MGAT1: variants seen among roughly 807,000 people sequenced by gnomAD.
The protein encoded by MGAT1 is N-glycosyl-oligosaccharide-glycoprotein N-acetylglucosaminyltransferase I.
Under a neutral mutation model 31.7 loss-of-function variants are expected in MGAT1, and 14 were observed. That is an observed-to-expected ratio of 0.44 (90% CI 0.29 to 0.69). MGAT1 has a LOEUF of 0.69. MGAT1 is among the 30% of genes least tolerant of loss of function. The pLI is 0.12. For synonymous variants in MGAT1, 338 were observed against 276.0 expected, an observed-to-expected ratio of 1.22 and a Z score of -2.23; for missense variants, 557 against 626.0, an observed-to-expected ratio of 0.89 and a Z score of 1.18.
intron 1 of MGAT1, chr5:180,810,090 C>G (rs1772385458): frequency 6.8e-6 from 1 of 147,622 alleles, no homozygotes; most frequent in African/African-American, 2.5e-5. Context: ...CGCCGCGGGT[C>G]GCAATCCAGG....
At chr5:180,798,665 C>G (rs1770030451) in intron 1 of MGAT1, among the ~76,000 whole-genome samples, 1 of 152,226 alleles carries the variant, frequency 6.6e-6, no homozygotes, top group Non-Finnish European at 1.5e-5. Context: ...ACTCAATTGG[C>G]AGTAAAACCT....
rs1429697192 is a variant in MGAT1 at position 180,787,952 on chromosome 5, A to G, written c.*3682T>C. The G allele has an allele frequency of 6.5e-6, 1 of 152,888 alleles. No homozygotes were observed. The highest frequency in any genetic ancestry group is 1.5e-5 in the Non-Finnish European group (1 of 68,514). The allele number at this position is 152,888 out of a possible 1,614,324, so 9.5% of individuals were successfully genotyped here. On this transcript the variant is annotated 3_prime_UTR_variant, in exon 2 of 2. Transcript: ENST00000307826. Reference sequence around the variant, plus strand: ...CTGCCCGGAAGGCAGTCTGTCCTGGAGACAGAGTGAGCAGGAACCCACAGT... The same window carrying G: ...CTGCCCGGAAGGCAGTCTGTCCTGGGGACAGAGTGAGCAGGAACCCACAGT...
At position 180,790,224 on chromosome 5, in the gene MGAT1, C is replaced by T. The variant is rs570616432; in HGVS notation, c.*1410G>A. 3.3e-5 allele frequency: 5 copies of T among 152,378 alleles called. No homozygotes were observed. The highest frequency in any genetic ancestry group is 9.6e-5 in the African/African-American group (4 of 41,580). The allele number at this position is 152,378 out of a possible 1,614,324, so 9.4% of individuals were successfully genotyped here. On this transcript the variant is annotated 3_prime_UTR_variant, in exon 2 of 2. Transcript: ENST00000307826. The stretch of plus-strand genomic sequence containing the variant: ...ACCCTGATCAGAGGACCTGGTTCTT[C>T]CCCAGACCAGGCCTGCCCAGCCAGC...
At position 180,793,030 on chromosome 5, in the gene MGAT1, C is replaced by G. The variant is rs1340623770; in HGVS notation, c.-59G>C. The G allele has an allele frequency of 1.0e-5, 16 of 1,596,420 alleles. No homozygotes were observed. Among genetic ancestry groups the G allele is most frequent in the Non-Finnish European group, 1.2e-5 (14 of 1,172,434 alleles). On this transcript the variant is annotated 5_prime_UTR_variant, in exon 2 of 2. Coordinates refer to ENST00000307826, the MANE Select transcript of MGAT1 (RefSeq NM_002406.4). ...CGGTTCAAGGCTGCCCTGGGCTTGC[C>G]CGGCTCCCTTGCCCGCAGTCCTAGG...
At chr5:180,811,346 A>C (rs1013160732) in intron 1 of MGAT1, 2 of 152,130 alleles carry the variant, frequency 1.3e-5, no homozygotes, top group Non-Finnish European at 2.9e-5. Flanking sequence ...TAATTTTTGG[A>C]ATTTCCTTAA....
At chr5:180,811,137 T>C (rs1225669758) in intron 1 of MGAT1, 1 of 152,256 alleles carries the variant, frequency 6.6e-6, no homozygotes, top group Non-Finnish European at 1.5e-5. Flanking sequence ...TGTTCGAGAA[T>C]CTTGCCGGAC....
In MGAT1 at chr5:180,791,481, G is replaced by C; in HGVS notation, c.*153C>G. 1 of 877,372 alleles carries C rather than the reference G, an allele frequency of 1.1e-6. No homozygotes were observed. The highest frequency in any genetic ancestry group is 1.8e-6 in the Non-Finnish European group (1 of 568,390). The allele number at this position is 877,372 out of a possible 1,614,324, so 54.3% of individuals were successfully genotyped here. A position where few individuals can be genotyped will look rare whatever the true frequency, so the allele number is the denominator to read the frequency against. ...TTGAGAACGGGAGAATAATCCTCTT[G>C]TTATCATTTGTGCACTTAAATGCCA... On this transcript the variant is annotated 3_prime_UTR_variant, in exon 2 of 2. Coordinates refer to ENST00000307826, the MANE Select transcript of MGAT1 (RefSeq NM_002406.4).
Position 180,792,104 on chromosome 5 carries a change from C to T in MGAT1, c.868G>A (p.Asp290Asn). ...EPKWPKAFWD[D>N]WMRRPEQRQG... ...CGCTGCTCCGGCCGCCGCATCCAGTCGTCCCAGAAGGCCTTTGGCCACTTG... is the reference window on the plus strand; with the variant it reads ...CGCTGCTCCGGCCGCCGCATCCAGTTGTCCCAGAAGGCCTTTGGCCACTTG... Residue 290 changes from aspartate (D) to asparagine (N), a missense_variant, in exon 2 of 2, where the codon GAC (aspartate) becomes AAC (asparagine). By Grantham distance (23) the Asp-to-Asn change is conservative. Transcript: ENST00000307826. 1 of 1,613,350 alleles carries T rather than the reference C, an allele frequency of 6.2e-7. No individual in the cohort carries two copies. The highest frequency in any genetic ancestry group is 8.5e-7 in the Non-Finnish European group (1 of 1,179,932).
At chr5:180,802,127 G>A (rs1170533432) in intron 1 of MGAT1, among the ~76,000 whole-genome samples, 1 of 152,178 alleles carries the variant, frequency 6.6e-6, no homozygotes, top group East Asian at 1.9e-4. Context: ...TCAGGGAGCC[G>A]GCCAGCCACA....
At chr5:180,808,575 C>T (rs3733749) in intron 2 of MGAT1, 13,745 of 152,342 alleles carry the variant, frequency 0.09, 671 homozygotes, top group East Asian at 0.21. Flanking sequence ...GTAGCCTCCG[C>T]GAACTCGCCA....
Position 180,785,020 on chromosome 5 carries a change from G to A in MGAT1, c.*6614C>T, listed in dbSNP as rs1767478194. On this transcript the variant is annotated 3_prime_UTR_variant, in exon 2 of 2. Coordinates refer to ENST00000307826, the MANE Select transcript of MGAT1 (RefSeq NM_002406.4). ...TTTGTATTAGTCTTTCAACTTCCCT[G>A]TGAGTTTGAATATTTTCATAATAAA... 1.3e-5 allele frequency: 2 copies of A among 152,058 alleles called. No individual in the cohort carries two copies. The allele number at this position is 152,058 out of a possible 1,614,324, so 9.4% of individuals were successfully genotyped here.
chr5:180,811,709 C>T (rs890989392), intron 1 of MGAT1, among the ~76,000 whole-genome samples: 1 of 152,072 alleles, frequency 6.6e-6, no homozygotes, highest in Non-Finnish European at 1.5e-5. Flanking sequence ...CCACAGGGAT[C>T]CTGTCGTTTC....
At chr5:180,811,305 T>A (rs1268660673) in intron 1 of MGAT1, 1 of 152,234 alleles carries the variant, frequency 6.6e-6, no homozygotes, top group Non-Finnish European at 1.5e-5. Flanking sequence ...GCGTCAGGAC[T>A]CTGGAGATGA....
Position 180,792,096 on chromosome 5 carries a change from C to T in MGAT1, c.876G>A (p.Met292Ile). ...KWPKAFWDDW[M>I]RRPEQRQGRA... ...GCCCCTGCCGCTGCTCCGGCCGCCG[C>T]ATCCAGTCGTCCCAGAAGGCCTTTG... The change falls in exon 2 of 2, where the codon ATG (methionine) becomes ATA (isoleucine). Residue 292 changes from methionine to isoleucine, a missense_variant. This residue lies in a region of MGAT1 where 245 missense variants were observed against 332.9 expected (regional missense o/e 0.74). Coordinates refer to ENST00000307826, the MANE Select transcript of MGAT1 (RefSeq NM_002406.4). 6.2e-7 allele frequency: 1 copy of T among 1,613,334 alleles called. No individual in the cohort carries two copies. Among genetic ancestry groups the T allele is most frequent in the South Asian group, 1.1e-5 (1 of 91,084 alleles).
chr5:180,792,933 G>A lies in MGAT1; in HGVS notation c.39C>T (p.Gly13=), dbSNP rs776454807. 12 of 1,613,340 alleles carry A rather than the reference G, an allele frequency of 7.4e-6. No individual in the cohort carries two copies. The highest frequency in any genetic ancestry group is 2.2e-5 in the East Asian group (1 of 44,838). ...CATTCCAGGCCACAAAGAGGATAGCGCCCCACAGCACAAGCCCTGCAGACT... is the reference window on the plus strand; with the variant it reads ...CATTCCAGGCCACAAAGAGGATAGCACCCCACAGCACAAGCCCTGCAGACT... The part of the protein sequence containing the change: ...KKQSAGLVLW[G]AILFVAWNAL... Residue 13 remains glycine (G), a synonymous_variant, in exon 2 of 2, where the codon GGC becomes GGT. Coordinates refer to ENST00000307826, the MANE Select transcript of MGAT1 (RefSeq NM_002406.4).
Position 180,792,653 on chromosome 5 carries a change from G to C in MGAT1, c.319C>G (p.Pro107Ala), listed in dbSNP as rs776808227. The C allele has an allele frequency of 1.3e-6, 2 of 1,585,212 alleles. No individual in the cohort carries two copies. Among genetic ancestry groups the C allele is most frequent in the African/African-American group, 1.3e-5 (1 of 74,346 alleles). Residue 107 changes from proline (P) to alanine (A), a missense_variant, in exon 2 of 2, where the codon CCC becomes GCC. Physicochemically the swap from Pro to Ala is conservative, Grantham distance 27. Around this residue, in one of 3 missense-constraint regions of MGAT1, gnomAD observed 167 missense variants for 149.8 expected, o/e 1.11. Transcript: ENST00000307826. ...VPVTPAPAVI[P>A]ILVIACDRST... Reference sequence around the variant, plus strand: ...CGGTCACAGGCGATGACCAGGATGGGAATCACCGCCGGCGCGGGGGTCACA... The same window carrying C: ...CGGTCACAGGCGATGACCAGGATGGCAATCACCGCCGGCGCGGGGGTCACA...
chr5:180,811,652 C>A (rs1360885818), intron 1 of MGAT1, among the ~76,000 whole-genome samples: 2 of 125,254 alleles, frequency 1.6e-5, no homozygotes, highest in East Asian at 4.0e-4. Flanking sequence ...ACACCTAGGT[C>A]TCCCTGCCCT....
At chr5:180,808,405 G>T (rs1487962285) in intron 2 of MGAT1, 1 of 152,164 alleles carries the variant, frequency 6.6e-6, no homozygotes, top group Non-Finnish European at 1.5e-5. Flanking sequence ...TTATTATCAT[G>T]TTCTCCTTGG....
In MGAT1 at chr5:180,789,809, G is replaced by A. The variant is rs1767832490; in HGVS notation, c.*1825C>T. The A allele has an allele frequency of 6.6e-6, 1 of 151,724 alleles. No individual in the cohort carries two copies. The highest frequency in any genetic ancestry group is 3.2e-3 in the Middle Eastern group (1 of 310). The allele number at this position is 151,724 out of a possible 1,614,324, so 9.4% of individuals were successfully genotyped here. ...TGCCCAGCAAGTTTTTGTATTTTTA[G>A]TAGAGTATTTTTAGGTTTCACCATG... On this transcript the variant is annotated 3_prime_UTR_variant, in exon 2 of 2. Transcript: ENST00000307826.
Sources: allele counts gnomAD v4.1 joint callset (sites outside exome capture counted in the v4.1 genomes callset), GRCh38; gene constraint gnomAD v4.1.1; regional missense constraint gnomAD v4.1.1; transcripts MANE v1.5; gene names NCBI Gene and HGNC (gene_info 2026-07-23, HGNC 2026-07-21).